Variants in BACE2 observed in about 807,000 individuals in gnomAD.
The protein encoded by BACE2 is beta-secretase 2, also known as 56 kDa aspartic-like protease.
Under a neutral mutation model 46.2 loss-of-function variants are expected in BACE2, and 17 were observed. That is an observed-to-expected ratio of 0.37 (90% confidence interval 0.25 to 0.55). The LOEUF is 0.55. BACE2 is among the 20% of genes least tolerant of loss of function. BACE2 has a pLI of 0.82. For synonymous variants in BACE2, 277 were observed against 295.9 expected (o/e 0.94, Z 0.66); for missense variants, 595 against 698.1 (o/e 0.85, Z 1.66).
intron 1 of BACE2, chr21:41,179,171 G>A: frequency 1.6e-6 from 2 of 1,258,956 alleles, no homozygotes; most frequent in Non-Finnish European, 2.1e-6. Context: ...TGAGGAGTGA[G>A]GGTGTCAGGG....
intron 1 of BACE2, among the ~76,000 whole-genome samples, chr21:41,198,297 A>G (rs1418111034): frequency 6.6e-6 from 1 of 152,136 alleles, no homozygotes; most frequent in Non-Finnish European, 1.5e-5. Flanking sequence ...AGCCCCCAAA[A>G]TATATATTTT....
At chr21:41,212,300 A>G (rs898813470) in intron 1 of BACE2, among the ~76,000 whole-genome samples, 2 of 152,186 alleles carry the variant, frequency 1.3e-5, no homozygotes, top group African/African-American at 2.4e-5. Flanking sequence ...TTGTAAGGGC[A>G]CTAATCCTAT....
At chr21:41,200,746 G>A (rs1040661281) in intron 1 of BACE2, among the ~76,000 whole-genome samples, 4 of 152,306 alleles carry the variant, frequency 2.6e-5, no homozygotes, top group South Asian at 2.1e-4. Context: ...AGGGATGTGC[G>A]CAGAGGGACC....
At chr21:41,262,914 C>T (rs59836194) in intron 8 of BACE2, among the ~76,000 whole-genome samples, 22,031 of 145,098 alleles carry the variant, frequency 0.15, 2,108 homozygotes, top group African/African-American at 0.27. Context: ...AATTTTCTAT[C>T]AAAACAGCCA....
intron 1 of BACE2, among the ~76,000 whole-genome samples, chr21:41,172,482 G>A (rs1353759786): frequency 6.6e-6 from 1 of 152,230 alleles, no homozygotes; most frequent in East Asian, 1.9e-4. Flanking sequence ...GGTAACCGAG[G>A]CTTGGAGAGG....
At chr21:41,274,724 G>A (rs2088466596) in intron 8 of BACE2, among the ~76,000 whole-genome samples, 1 of 152,170 alleles carries the variant, frequency 6.6e-6, no homozygotes, top group African/African-American at 2.4e-5. Context: ...TCATGAATTA[G>A]GTGTTGCATT....
Position 41,237,669 on chromosome 21 carries a change from C to T in BACE2, c.558C>T (p.Phe186=). ...NIATIFESEN[F]FLPGIKWNGI... ...CCACTATTTTTGAATCAGAGAATTT[C>T]TTTTTGCCTGGGATTAAATGGAATG... Residue 186 remains phenylalanine, a synonymous_variant, in exon 3 of 9, where the codon TTC becomes TTT. Transcript: ENST00000330333. 1 of 1,614,176 alleles carries T rather than the reference C, an allele frequency of 6.2e-7. No individual in the cohort carries two copies. The highest frequency in any genetic ancestry group is 1.3e-5 in the African/African-American group (1 of 75,038).
intron 1 of BACE2, chr21:41,178,358 C>A (rs1354040809): frequency 6.6e-6 from 1 of 152,206 alleles, no homozygotes; most frequent in East Asian, 1.9e-4. Flanking sequence ...AGTTAAAAAT[C>A]ACTTATAACT....
chr21:41,264,179 T>G (rs1988009695), intron 8 of BACE2, among the ~76,000 whole-genome samples: 1 of 152,078 alleles, frequency 6.6e-6, no homozygotes, highest in South Asian at 2.1e-4. Flanking sequence ...ATTTTTATTG[T>G]TTTTGGATTC....
At chr21:41,236,690 A>G (rs1375871120) in intron 2 of BACE2, 1 of 152,224 alleles carries the variant, frequency 6.6e-6, no homozygotes, top group Non-Finnish European at 1.5e-5. Flanking sequence ...TATTTGTCAC[A>G]TGAGTTGTAT....
intron 3 of BACE2, 65 bp from the exon 4 acceptor site, chr21:41,241,754 A>T: frequency 6.3e-7 from 1 of 1,594,522 alleles, no homozygotes; most frequent in Non-Finnish European, 8.6e-7. Flanking sequence ...TGGCGTCTAC[A>T]CTGGGTGACC....
Position 41,168,319 on chromosome 21 carries a change from G to T in BACE2, c.56G>T (p.Arg19Leu). 1 of 1,334,466 alleles carries T rather than the reference G, an allele frequency of 7.5e-7. No homozygotes were observed. The highest frequency in any genetic ancestry group is 1.9e-5 in the South Asian group (1 of 52,110). 82.7% of individuals were successfully genotyped at this position (1,334,466 alleles called of 1,614,324 possible). The change falls in exon 1 of 9, where the codon CGC becomes CTC. Residue 19 changes from arginine (R) to leucine (L), a missense_variant. This residue lies in a region of BACE2 where 248 missense variants were observed against 261.4 expected (regional missense o/e 0.95). Coordinates refer to ENST00000330333, the MANE Select transcript of BACE2 (RefSeq NM_012105.5). Reference sequence around the variant, plus strand: ...CCTCTGCTGGCCCAGTGGCTCCTGCGCGCCGCCCCGGAGCTGGCCCCCGCG... The same window carrying T: ...CCTCTGCTGGCCCAGTGGCTCCTGCTCGCCGCCCCGGAGCTGGCCCCCGCG... ...LLPLLAQWLL[R>L]AAPELAPAPF...
At chr21:41,169,407 C>G (rs942875371) in intron 1 of BACE2, among the ~76,000 whole-genome samples, 1 of 148,560 alleles carries the variant, frequency 6.7e-6, no homozygotes, top group Admixed American at 6.7e-5. Flanking sequence ...TTTACTAACA[C>G]TTTTTGTAGC....
At chr21:41,242,685 C>T (rs924681803) in intron 4 of BACE2, among the ~76,000 whole-genome samples, 1 of 152,160 alleles carries the variant, frequency 6.6e-6, no homozygotes, top group Admixed American at 6.5e-5. Context: ...GCTTGATCTT[C>T]TGTTCTCTGA....
rs2123665080 is a variant in BACE2, at chr21:41,280,882, C to G, written c.*5258C>G. 6.6e-6 allele frequency: 1 copy of G among 152,388 alleles called. No homozygotes were observed. Among genetic ancestry groups the G allele is most frequent in the Admixed American group, 6.5e-5 (1 of 15,314 alleles). The allele number at this position is 152,388 out of a possible 1,614,324, so 9.4% of individuals were successfully genotyped here. ...TGTACTGTGTAACTTTTACATCACA[C>G]TTGTGTGCTTAAAAAGCACACCGTG... is the stretch of plus-strand genomic sequence containing the variant. On this transcript the variant is annotated 3_prime_UTR_variant, in exon 9 of 9. Transcript: ENST00000330333.
intron 2 of BACE2, among the ~76,000 whole-genome samples, chr21:41,228,470 CA>C (rs951149134): frequency 7.9e-5 from 12 of 152,162 alleles, no homozygotes; most frequent in African/African-American, 2.9e-4. Flanking sequence ...GCAGGCTGTA[CA>C]AGAAGCATGG....
chr21:41,184,214 A>G (rs1242757234), intron 1 of BACE2: 2 of 167,056 alleles, frequency 1.2e-5, no homozygotes, highest in African/African-American at 4.8e-5. Context: ...CTGCATTAGT[A>G]TATTTCCTGA....
intron 8 of BACE2, among the ~76,000 whole-genome samples, chr21:41,273,304 T>C (rs963961336): frequency 6.6e-5 from 10 of 152,142 alleles, no homozygotes; most frequent in Non-Finnish European, 1.0e-4. Context: ...GACCAAAATT[T>C]ATTAGGCGGA....
intron 8 of BACE2, 122 bp from the exon 9 acceptor site, chr21:41,275,249 G>T: frequency 7.2e-7 from 1 of 1,386,912 alleles, no homozygotes; most frequent in Non-Finnish European, 1.0e-6. Flanking sequence ...AGCTGTCTAA[G>T]CCACTGGGAC....
Sources: gnomAD v4.1 joint callset for allele counts (sites outside exome capture counted in the v4.1 genomes callset) on GRCh38, gnomAD v4.1.1 for gene constraint, gnomAD v4.1.1 regional missense constraint, MANE v1.5 for transcripts, NCBI Gene and HGNC (gene_info 2026-07-23, HGNC 2026-07-21) for gene names.